DMTN: variants seen among roughly 807,000 people sequenced by gnomAD.
DMTN encodes dematin.
DMTN carries 27 observed loss-of-function variants against 59.4 expected under a neutral mutation model. The observed-to-expected ratio is 0.45, with a 90% CI of 0.33 to 0.63. The LOEUF (loss-of-function observed/expected upper bound fraction) is 0.63, where lower values mean the gene tolerates loss of function less well. Ranked by LOEUF, DMTN falls within the 20% of genes least tolerant of loss-of-function variation. The probability of loss-of-function intolerance (pLI) is 0.02; values close to 1 mark genes in which losing one functional copy is unlikely to be tolerated. For missense variants in DMTN, 451 were observed against 528.9 expected (o/e 0.85, Z 1.45); for synonymous variants, 221 against 203.7 (o/e 1.08, Z -0.72).
At chr8:22,053,042 AT>A (rs141880610), upstream of DMTN, among the ~76,000 whole-genome samples, 3,085 of 152,170 alleles carry the variant, frequency 0.02, 105 homozygotes, top group African/African-American at 0.07. Flanking sequence ...ATTTCAGATG[AT>A]TTCAGTGGAG....
At chr8:22,054,285 G>A (rs547341367), upstream of DMTN, among the ~76,000 whole-genome samples, 3 of 145,326 alleles carry the variant, frequency 2.1e-5, no homozygotes, top group South Asian at 4.8e-4. Flanking sequence ...CCCCACCCAT[G>A]GAGGGACATT....
chr8:22,079,177 A>G lies in DMTN; in HGVS notation c.836-1003A>G, dbSNP rs569104215. Reference sequence around the variant, plus strand: ...ATAATCTCAGCACTTTGGGAAGCCAAGGTGGGAGGATTGCTTGAGCCCAGG... The same window carrying G: ...ATAATCTCAGCACTTTGGGAAGCCAGGGTGGGAGGATTGCTTGAGCCCAGG... On this transcript the variant is annotated intron_variant, in intron 10 of 15. Transcript: ENST00000358242. 4.0e-3 allele frequency among the ~76,000 whole-genome samples: 607 copies of G among 150,646 alleles called. 4 individuals carry two copies. The highest frequency in any genetic ancestry group is 0.014 in the African/African-American group (594 of 41,072).
chr8:22,051,888 G>A (rs1343932001), upstream of DMTN, among the ~76,000 whole-genome samples: 50 of 152,086 alleles, frequency 3.3e-4, no homozygotes, highest in Admixed American at 2.7e-3. Context: ...ACACTATCCC[G>A]GCCAAACTCC....
rs145121380 is a variant in DMTN at position 22,073,657 on chromosome 8, G to A, written c.730-73G>A. ...AAAAAAAAAAAAAAAAAAAAAGAAA[G>A]AAAAAAAAAAAGAGAAAAAAGAAAC... On this transcript the variant is annotated intron_variant, in intron 9 of 15. Transcript: ENST00000358242. 217 of 642,120 alleles carry A rather than the reference G, an allele frequency of 3.4e-4. 21 individuals carry two copies. The highest frequency in any genetic ancestry group is 1.7e-3 in the Middle Eastern group (5 of 2,940). 39.8% of individuals were successfully genotyped at this position (642,120 alleles called of 1,614,324 possible). A position where few individuals can be genotyped will look rare whatever the true frequency, so the allele number is the denominator to read the frequency against.
At chr8:22,070,408 G>T in intron 8 of DMTN, 74 bp downstream of exon 8, 2 of 1,508,182 alleles carry the variant, frequency 1.3e-6, no homozygotes, top group East Asian at 2.4e-5. Flanking sequence ...TCTTGCTGCA[G>T]TCCGTGAACC....
intron 2 of DMTN, 83 bp downstream of exon 2, chr8:22,066,976 C>T (rs1173599425): frequency 6.5e-6 from 8 of 1,227,724 alleles, no homozygotes; most frequent in Non-Finnish European, 7.2e-6. Flanking sequence ...GGTGGCCACC[C>T]GCCGCGCAGC....
At position 22,060,056 on chromosome 8, in the gene DMTN, G is replaced by A. The variant is rs1415759560; in HGVS notation, c.-172+2920G>A. On this transcript the variant is annotated intron_variant, in intron 1 of 15. Transcript: ENST00000358242. This position sits in a 1 kb window ranked among gnomAD's most constrained non-coding sequence, Gnocchi z 5.0. ...GGGGGAGGGTGGGGCTGAGATGGAG[G>A]GCGAGCGGCTGGCTGGCGTCCGACC... 6.6e-6 allele frequency among the ~76,000 whole-genome samples: 1 copy of A among 152,170 alleles called. No homozygotes were observed. The highest frequency in any genetic ancestry group is 1.5e-5 in the Non-Finnish European group (1 of 68,028).
chr8:22,063,783 G>C (rs1329274828), intron 1 of DMTN, among the ~76,000 whole-genome samples: 1 of 152,176 alleles, frequency 6.6e-6, no homozygotes, highest in Non-Finnish European at 1.5e-5. Flanking sequence ...CCCAGCAGGA[G>C]GAATCTCTCC....
chr8:22,070,839 G>C (rs1814779175), intron 8 of DMTN, among the ~76,000 whole-genome samples: 1 of 152,090 alleles, frequency 6.6e-6, no homozygotes. Flanking sequence ...ACCCTTCTGA[G>C]TTGCCATGGT....
In DMTN at chr8:22,057,050, T is replaced by G. The variant is rs1563386364; in HGVS notation, c.-258T>G. The G allele has an allele frequency of 1.3e-5, 2 of 148,964 alleles. No individual in the cohort carries two copies. The highest frequency in any genetic ancestry group is 2.5e-5 in the African/African-American group (1 of 40,202). The allele number at this position is 148,964 out of a possible 1,614,324, so 9.2% of individuals were successfully genotyped here. A position where few individuals can be genotyped will look rare whatever the true frequency, so the allele number is the denominator to read the frequency against. On this transcript the variant is annotated 5_prime_UTR_variant, in exon 1 of 16. Coordinates refer to ENST00000358242, the MANE Select transcript of DMTN (RefSeq NM_001387751.1). Reference sequence around the variant, plus strand: ...AAGAGACACCTATTACCTAGGCTCCTGGGGGAAGTGACAGCCCGTGGATCT... The same window carrying G: ...AAGAGACACCTATTACCTAGGCTCCGGGGGGAAGTGACAGCCCGTGGATCT...
In DMTN at chr8:22,080,260, C is replaced by T. The variant is rs1182678394; in HGVS notation, c.900+16C>T. The T allele has an allele frequency of 6.2e-7, 1 of 1,614,188 alleles. No homozygotes were observed. The highest frequency in any genetic ancestry group is 2.2e-5 in the East Asian group (1 of 44,884). On this transcript the variant is annotated intron_variant, in intron 11 of 15. Transcript: ENST00000358242. ...CCTGAGCCGGGTAAGGTCTCAGGAC[C>T]AGAGATATAGACTACGTGGGAGGAA...
In DMTN at chr8:22,060,451, G is replaced by T. The variant is rs543640708; in HGVS notation, c.-172+3315G>T. 6.7e-6 allele frequency among the ~76,000 whole-genome samples: 1 copy of T among 150,364 alleles called. No individual in the cohort carries two copies. The highest frequency in any genetic ancestry group is 1.5e-5 in the Non-Finnish European group (1 of 67,728). On this transcript the variant is annotated intron_variant, in intron 1 of 15. Transcript: ENST00000358242. The surrounding 1 kb of genome is among the most constrained non-coding windows in gnomAD (Gnocchi z 5.0). ...CTCTCTCCCCCTCACACATGCGCACGCACACACACATATACACACACTCTT... is the reference window on the plus strand; with the variant it reads ...CTCTCTCCCCCTCACACATGCGCACTCACACACACATATACACACACTCTT...
intron 10 of DMTN, among the ~76,000 whole-genome samples, chr8:22,079,277 A>AATATATATATATATATATAT (rs1180466614): frequency 1.1e-4 from 3 of 27,682 alleles, no homozygotes; most frequent in Admixed American, 5.8e-4. Flanking sequence ...TAAATAAATA[A>AATATATATATATATATATAT]ATATATATAT....
At chr8:22,061,140 G>A (rs1383904386) in intron 1 of DMTN, among the ~76,000 whole-genome samples, 9 of 151,902 alleles carry the variant, frequency 5.9e-5, no homozygotes, top group Non-Finnish European at 8.8e-5. Context: ...TGAATTAGCC[G>A]GGTGTTGTGG....
chr8:22,067,692 C>A lies in DMTN; in HGVS notation c.249+10C>A, dbSNP rs775357571. On this transcript the variant is annotated intron_variant, in intron 4 of 15. Transcript: ENST00000358242. The stretch of plus-strand genomic sequence containing the variant: ...GCCTCGCAGCCGCGAGGTGAGGGGG[C>A]TCCTCTTGGGCAGGACTCCGGGGGA... 1 of 1,613,174 alleles carries A rather than the reference C, an allele frequency of 6.2e-7. No homozygotes were observed. The highest frequency in any genetic ancestry group is 1.1e-5 in the South Asian group (1 of 91,068).
At chr8:22,069,164 C>T in intron 5 of DMTN, 104 bp downstream of exon 5, 2 of 1,344,384 alleles carry the variant, frequency 1.5e-6, no homozygotes, top group Non-Finnish European at 2.1e-6. Flanking sequence ...CCAGGGAGTG[C>T]CCGAATCAGC....
chr8:22,079,099 A>G (rs1472254971), intron 10 of DMTN, among the ~76,000 whole-genome samples: 3 of 150,892 alleles, frequency 2.0e-5, no homozygotes, highest in Non-Finnish European at 4.4e-5. Context: ...TGCCCAGCCT[A>G]ATGTCAGACT....
intron 8 of DMTN, 72 bp from the exon 9 acceptor site, chr8:22,072,254 G>T: frequency 6.6e-7 from 1 of 1,519,078 alleles, no homozygotes; most frequent in Non-Finnish European, 8.9e-7. Flanking sequence ...AGTGCACAGA[G>T]GCTGTGCCAT....
rs376508824 is a variant in DMTN at position 22,080,313 on chromosome 8, G to A, written c.900+69G>A. The A allele has an allele frequency of 5.9e-5, 95 of 1,613,070 alleles. No homozygotes were observed. In the African/African-American group the frequency reaches 9.1e-4, roughly 15 times the overall value. ...TGCATGTGGGGTGCTGAGGGACTGA[G>A]CCACTTGGGCACCCTCAGGGAGCGG... On this transcript the variant is annotated intron_variant, in intron 11 of 15. Transcript: ENST00000358242.
Sources: gnomAD v4.1 joint callset for allele counts (sites outside exome capture counted in the v4.1 genomes callset) on GRCh38, gnomAD v4.1.1 for gene constraint, Gnocchi (gnomAD v3.1) non-coding constraint, MANE v1.5 for transcripts, NCBI Gene and HGNC (gene_info 2026-07-23, HGNC 2026-07-21) for gene names.